The following KCNJ16 variants were observed in gnomAD, a reference collection of about 807,000 sequenced individuals.
KCNJ16 encodes inward rectifier potassium channel 16.
In KCNJ16, 15 loss-of-function variants were observed where a neutral mutation model predicts 18.5. That is an observed-to-expected ratio of 0.81 (90% CI 0.54 to 1.25). The LOEUF (loss-of-function observed/expected upper bound fraction) is 1.25, where lower values mean the gene tolerates loss of function less well. Ranked by LOEUF, KCNJ16 falls within the 50% of genes most tolerant of loss-of-function variation. The pLI is 0.00. For missense variants in KCNJ16, 523 were observed against 525.7 expected (o/e 0.99, Z 0.05); for synonymous variants, 174 against 186.5 (o/e 0.93, Z 0.55).
At chr17:70,079,282 AG>A (rs1474497215) in intron 1 of KCNJ16, among the ~76,000 whole-genome samples, 6 of 152,212 alleles carry the variant, frequency 3.9e-5, no homozygotes, top group Non-Finnish European at 7.3e-5. Flanking sequence ...CTCCTTTCCC[AG>A]GAAATCTTGG....
At chr17:70,111,989 G>A (rs564972387) in intron 2 of KCNJ16, among the ~76,000 whole-genome samples, 1 of 152,262 alleles carries the variant, frequency 6.6e-6, no homozygotes, top group Non-Finnish European at 1.5e-5. Context: ...TCAATGTGTT[G>A]CTTTCATACA....
At chr17:70,108,980 A>G (rs1038934879) in intron 2 of KCNJ16, among the ~76,000 whole-genome samples, 1 of 152,036 alleles carries the variant, frequency 6.6e-6, no homozygotes, top group Non-Finnish European at 1.5e-5. Context: ...TAGAACTCCT[A>G]AGTGAGTGGC....
intron 2 of KCNJ16, among the ~76,000 whole-genome samples, chr17:70,115,892 G>A (rs1050383552): frequency 5.3e-5 from 8 of 152,118 alleles, no homozygotes; most frequent in Admixed American, 2.6e-4. Flanking sequence ...ATGTCTGTAC[G>A]ACTGTCTGCC....
At chr17:70,105,479 C>A in intron 2 of KCNJ16, among the ~76,000 whole-genome samples, 1 of 152,308 alleles carries the variant, frequency 6.6e-6, no homozygotes, top group African/African-American at 2.4e-5. Context: ...GTCTTTGTCA[C>A]TCTTCCACTG....
chr17:70,086,341 A>G (rs1403106382), intron 1 of KCNJ16, among the ~76,000 whole-genome samples: 1 of 152,208 alleles, frequency 6.6e-6, no homozygotes, highest in Non-Finnish European at 1.5e-5. Context: ...CTTGGTTCAG[A>G]ACACATATTA....
In KCNJ16 at chr17:70,132,421, G is replaced by A; in HGVS notation, c.334G>A (p.Val112Ile). 6.2e-7 allele frequency: 1 copy of A among 1,614,156 alleles called. No homozygotes were observed. The highest frequency in any genetic ancestry group is 8.5e-7 in the Non-Finnish European group (1 of 1,180,030). The change falls in exon 4 of 4, where the codon GTT becomes ATT. Residue 112 changes from valine (V) to isoleucine (I), a missense_variant. Transcript: ENST00000392671. ...AAATGATCCAGACATCACACCTTGTGTTGACAACGTCCATTCTTTCACAGG... is the reference window on the plus strand; with the variant it reads ...AAATGATCCAGACATCACACCTTGTATTGACAACGTCCATTCTTTCACAGG... ...LLNDPDITPC[V>I]DNVHSFTGAF...
At chr17:70,079,631 T>C (rs185840616) in intron 1 of KCNJ16, among the ~76,000 whole-genome samples, 7 of 152,316 alleles carry the variant, frequency 4.6e-5, no homozygotes, top group African/African-American at 1.7e-4. Context: ...TTTCATAAAA[T>C]GGATCTGCCT....
At position 70,083,223 on chromosome 17, in the gene KCNJ16, G is replaced by A. The variant is rs907775793; in HGVS notation, c.-300+7833G>A. On this transcript the variant is annotated intron_variant, in intron 1 of 3. Transcript: ENST00000392671. ...ATATTATATATATATAATATGTAAAGAGATATATATTATAATATATGTAGC... is the reference window on the plus strand; with the variant it reads ...ATATTATATATATATAATATGTAAAAAGATATATATTATAATATATGTAGC... 4.7e-5 allele frequency among the ~76,000 whole-genome samples: 7 copies of A among 148,382 alleles called. No individual in the cohort carries two copies. In the East Asian group the frequency reaches 1.4e-3, roughly 29 times the overall value.
chr17:70,100,460 G>C (rs1217464331), intron 1 of KCNJ16, among the ~76,000 whole-genome samples, 198 bp from the exon 2 acceptor site: 1 of 151,992 alleles, frequency 6.6e-6, no homozygotes, highest in East Asian at 1.9e-4. Flanking sequence ...CTTATTTTCT[G>C]TTTGTCTTTT....
At chr17:70,113,005 A>G (rs192971623) in intron 2 of KCNJ16, among the ~76,000 whole-genome samples, 33 of 152,322 alleles carry the variant, frequency 2.2e-4, no homozygotes, top group African/African-American at 7.7e-4. Context: ...ACAACCCAGA[A>G]TGTTTTCCTT....
At chr17:70,082,141 GA>G (rs1410604698) in intron 1 of KCNJ16, among the ~76,000 whole-genome samples, 90 of 152,258 alleles carry the variant, frequency 5.9e-4, no homozygotes, top group Non-Finnish European at 1.5e-4. Flanking sequence ...GACACTGACA[GA>G]AAAAACAACT....
chr17:70,096,878 G>A (rs1380762163), intron 1 of KCNJ16: 1 of 398,268 alleles, frequency 2.5e-6, no homozygotes, highest in Non-Finnish European at 4.4e-6. Flanking sequence ...ATTGTTTAGA[G>A]TGTAGACCAA....
chr17:70,125,657 G>A (rs1288412444), intron 2 of KCNJ16, among the ~76,000 whole-genome samples: 1 of 152,172 alleles, frequency 6.6e-6, no homozygotes, highest in Non-Finnish European at 1.5e-5. Flanking sequence ...TGGGCCAGGT[G>A]CCGTGGCTCA....
rs1319687061 is a variant in KCNJ16 at position 70,132,826 on chromosome 17, C to G, written c.739C>G (p.Leu247Val). ...DLKLVNDQII[L>V]VTPVTIVHEI... ...CAAATTAGTCAACGACCAAATCATC[C>G]TGGTCACCCCGGTAACTATTGTCCA... is the stretch of plus-strand genomic sequence containing the variant. The change falls in exon 4 of 4, where the codon CTG becomes GTG. Residue 247 changes from leucine to valine, a missense_variant. By Grantham distance (32) the Leu-to-Val change is conservative. Transcript: ENST00000392671. The G allele has an allele frequency of 6.2e-7, 1 of 1,614,020 alleles. No individual in the cohort carries two copies.
chr17:70,090,368 G>A (rs1598099464), intron 1 of KCNJ16, among the ~76,000 whole-genome samples: 1 of 152,158 alleles, frequency 6.6e-6, no homozygotes, highest in African/African-American at 2.4e-5. Context: ...ATTTTGGCTG[G>A]ATAACATTGC....
intron 1 of KCNJ16, among the ~76,000 whole-genome samples, chr17:70,089,813 A>T (rs1002614986): frequency 2.6e-5 from 4 of 152,232 alleles, no homozygotes; most frequent in Non-Finnish European, 5.9e-5. Context: ...CACACCTCTG[A>T]CTAACTCTGT....
chr17:70,133,070 T>G lies in KCNJ16; in HGVS notation c.983T>G (p.Phe328Cys), dbSNP rs768794203. Reference sequence around the variant, plus strand: ...TATTACAAAGTGAACTGCTTACAGTTTGAAGGAAGTGTGGAAGTATATGCC... The same window carrying G: ...TATTACAAAGTGAACTGCTTACAGTGTGAAGGAAGTGTGGAAGTATATGCC... ...RKYYKVNCLQ[F>C]EGSVEVYAPF... Residue 328 changes from phenylalanine to cysteine, a missense_variant, in exon 4 of 4, where the codon TTT becomes TGT. Phe to Cys is a radical substitution (Grantham distance 205). Transcript: ENST00000392671. The G allele has an allele frequency of 5.0e-6, 8 of 1,614,078 alleles. No homozygotes were observed. The South Asian group carries it at 8.8e-5, about 18-fold the overall frequency.
At chr17:70,127,376 C>T (rs949101875) in intron 2 of KCNJ16, among the ~76,000 whole-genome samples, 1 of 151,952 alleles carries the variant, frequency 6.6e-6, no homozygotes, top group African/African-American at 2.4e-5. Flanking sequence ...AAGAGCTCCA[C>T]CTAAGCGGGT....
At chr17:70,121,992 G>C (rs2073659179) in intron 2 of KCNJ16, among the ~76,000 whole-genome samples, 1 of 151,990 alleles carries the variant, frequency 6.6e-6, no homozygotes, top group African/African-American at 2.4e-5. Context: ...CTGACGTGTA[G>C]GAAGGGCAAA....
Sources: allele counts gnomAD v4.1 joint callset (sites outside exome capture counted in the v4.1 genomes callset), GRCh38; gene constraint gnomAD v4.1.1; transcripts MANE v1.5; gene names NCBI Gene and HGNC (gene_info 2026-07-23, HGNC 2026-07-21).